Variants in COL25A1 observed in about 807,000 individuals in gnomAD.
COL25A1 encodes the protein collagen alpha-1(XXV) chain.
Under a neutral mutation model 128.4 loss-of-function variants are expected in COL25A1, and 103 were observed. The observed-to-expected ratio is 0.80, with a 90% CI of 0.68 to 0.94. The LOEUF is 0.94. Ranked by LOEUF, COL25A1 falls within the 40% of genes least tolerant of loss-of-function variation. COL25A1 has a pLI of 0.00. For synonymous variants in COL25A1, 279 were observed against 277.2 expected (o/e 1.01, Z -0.06); for missense variants, 745 against 840.0 (o/e 0.89, Z 1.40).
intron 3 of COL25A1, among the ~76,000 whole-genome samples, chr4:109,209,861 T>C (rs1416533817): frequency 6.6e-6 from 1 of 152,038 alleles, no homozygotes; most frequent in Non-Finnish European, 1.5e-5. Context: ...GAGACTAGCC[T>C]GGCCAACATG....
At chr4:109,271,167 A>G (rs1782172215) in intron 3 of COL25A1, among the ~76,000 whole-genome samples, 1 of 152,094 alleles carries the variant, frequency 6.6e-6, no homozygotes, top group Non-Finnish European at 1.5e-5. Context: ...ATATAATGCT[A>G]TTTTTCTTTT....
intron 12 of COL25A1, 47 bp downstream of exon 12, chr4:108,920,531 G>T: frequency 2.0e-6 from 3 of 1,488,234 alleles, no homozygotes; most frequent in Non-Finnish European, 2.8e-6. Context: ...TTGCCATTAG[G>T]TCATGAGAGC....
rs543469222 is a variant in COL25A1, at chr4:108,854,455, T to C, written c.1321-1530A>G. On this transcript the variant is annotated intron_variant, in intron 24 of 37. Transcript: ENST00000399132. ...AACCTACAGAAAGGGAGAAAATTTT[T>C]GCAATCTATCCATCTGACAAAGGGC... Among the ~76,000 whole-genome samples the C allele has an allele frequency of 7.3e-4, 111 of 152,182 alleles. 4 individuals are homozygous for C. The highest frequency in any genetic ancestry group is 6.6e-3 in the South Asian group (32 of 4,820).
At chr4:109,209,693 G>T (rs905841870) in intron 3 of COL25A1, among the ~76,000 whole-genome samples, 1 of 151,998 alleles carries the variant, frequency 6.6e-6, no homozygotes, top group East Asian at 1.9e-4. Flanking sequence ...TCACAGAAAG[G>T]AGTATATAAT....
chr4:109,012,480 G>T (rs1376450388), intron 5 of COL25A1, among the ~76,000 whole-genome samples: 1 of 152,212 alleles, frequency 6.6e-6, no homozygotes, highest in East Asian at 1.9e-4. Flanking sequence ...GGAGGGAGAG[G>T]CGCGGGCAGG....
chr4:109,036,643 CT>C (rs2125921898), intron 5 of COL25A1, among the ~76,000 whole-genome samples: 1 of 152,298 alleles, frequency 6.6e-6, no homozygotes, highest in South Asian at 2.1e-4. Context: ...GTCAGACTAC[CT>C]GAAAGGAAAC....
intron 19 of COL25A1, among the ~76,000 whole-genome samples, chr4:108,872,469 C>T (rs1368780123): frequency 1.3e-5 from 2 of 152,082 alleles, no homozygotes; most frequent in Non-Finnish European, 2.9e-5. Flanking sequence ...TTCCACGTTG[C>T]ACCTAACCTT....
intron 19 of COL25A1, among the ~76,000 whole-genome samples, chr4:108,879,971 G>C (rs944068699): frequency 6.6e-6 from 1 of 151,030 alleles, no homozygotes; most frequent in Non-Finnish European, 1.5e-5. Context: ...ACCACGCCCA[G>C]CTAATTTTTG....
intron 13 of COL25A1, among the ~76,000 whole-genome samples, chr4:108,906,192 C>T (rs780284029): frequency 3.3e-5 from 5 of 152,194 alleles, no homozygotes; most frequent in Non-Finnish European, 7.3e-5. Context: ...CCCTGCTGCT[C>T]CTCTGACCTC....
chr4:108,869,407 G>C (rs1322701311), intron 19 of COL25A1, among the ~76,000 whole-genome samples: 7 of 152,086 alleles, frequency 4.6e-5, no homozygotes, highest in Admixed American at 3.3e-4. Flanking sequence ...TCCTGAGTCG[G>C]GGGGAGGGGA....
At chr4:109,020,518 G>T (rs1226223602) in intron 5 of COL25A1, among the ~76,000 whole-genome samples, 4 of 80,380 alleles carry the variant, frequency 5.0e-5, no homozygotes, top group Non-Finnish European at 9.6e-5. Flanking sequence ...GGGGGGGGGG[G>T]GTTCAACATA....
At chr4:108,922,183 A>T (rs1325567822) in intron 11 of COL25A1, among the ~76,000 whole-genome samples, 1 of 152,130 alleles carries the variant, frequency 6.6e-6, no homozygotes, top group Non-Finnish European at 1.5e-5. Context: ...TCATTTCCTC[A>T]CTTGGGTAAA....
intron 8 of COL25A1, among the ~76,000 whole-genome samples, chr4:108,954,766 T>C (rs1473950233): frequency 6.6e-6 from 1 of 152,002 alleles, no homozygotes; most frequent in Non-Finnish European, 1.5e-5. Context: ...TTCAACTTAG[T>C]AAATTTTAAA....
intron 35 of COL25A1, among the ~76,000 whole-genome samples, chr4:108,820,810 C>A (rs1269019648): frequency 6.6e-6 from 1 of 151,628 alleles, no homozygotes; most frequent in Non-Finnish European, 1.5e-5. Flanking sequence ...GGGAATGTAG[C>A]TATGGAAATT....
intron 3 of COL25A1, among the ~76,000 whole-genome samples, chr4:109,273,492 C>A (rs1377989887): frequency 6.6e-6 from 1 of 152,046 alleles, no homozygotes; most frequent in African/African-American, 2.4e-5. Context: ...AGTAATATAA[C>A]CTTTATATTT....
intron 11 of COL25A1, among the ~76,000 whole-genome samples, chr4:108,934,106 T>G (rs1371707771): frequency 6.6e-6 from 1 of 152,062 alleles, no homozygotes; most frequent in Non-Finnish European, 1.5e-5. Context: ...AATGATAGAC[T>G]GGATTAAGAA....
At chr4:109,211,628 A>G (rs2126197730) in intron 3 of COL25A1, among the ~76,000 whole-genome samples, 1 of 152,150 alleles carries the variant, frequency 6.6e-6, no homozygotes, top group African/African-American at 2.4e-5. Context: ...AAAATAAAAA[A>G]AAATTAAAGA....
At chr4:108,904,917 TTA>T (rs1491415570) in intron 13 of COL25A1, among the ~76,000 whole-genome samples, 2 of 146,914 alleles carry the variant, frequency 1.4e-5, no homozygotes, top group East Asian at 3.9e-4. Context: ...CATTTTTTTT[TTA>T]AAAAAACAAC....
chr4:109,066,598 G>T (rs1255774800), intron 3 of COL25A1, among the ~76,000 whole-genome samples: 1 of 152,176 alleles, frequency 6.6e-6, no homozygotes, highest in Non-Finnish European at 1.5e-5. Flanking sequence ...GAGAATGGTA[G>T]ATTATAAATA....
Sources: allele counts gnomAD v4.1 joint callset (sites outside exome capture counted in the v4.1 genomes callset), GRCh38; gene constraint gnomAD v4.1.1; transcripts MANE v1.5; gene names NCBI Gene and HGNC (gene_info 2026-07-23, HGNC 2026-07-21).